The following CNTNAP4 variants were observed in gnomAD, a reference collection of about 807,000 sequenced individuals.
CNTNAP4 encodes contactin-associated protein-like 4.
CNTNAP4 carries 98 observed loss-of-function variants against 148.4 expected under a neutral mutation model. The observed-to-expected ratio is 0.66, with a 90% confidence interval of 0.56 to 0.78. The LOEUF (loss-of-function observed/expected upper bound fraction) is 0.78, where lower values mean the gene tolerates loss of function less well. CNTNAP4 is among the 30% of genes least tolerant of loss of function. The pLI is 0.00. For missense variants in CNTNAP4, 1,935 were observed against 1,565.6 expected (o/e 1.24, Z -3.98); for synonymous variants, 730 against 565.1 (o/e 1.29, Z -4.14).
chr16:76,367,947 A>AT (rs1194575233), intron 3 of CNTNAP4, among the ~76,000 whole-genome samples: 1 of 152,182 alleles, frequency 6.6e-6, no homozygotes, highest in African/African-American at 2.4e-5. Flanking sequence ...TGATAGCTAA[A>AT]TTTCACTGTG....
intron 4 of CNTNAP4, among the ~76,000 whole-genome samples, chr16:76,435,411 C>G (rs1320348120): frequency 2.0e-5 from 3 of 152,152 alleles, no homozygotes; most frequent in Non-Finnish European, 4.4e-5. Flanking sequence ...AGTAGCTACG[C>G]CTGCCTTGCC....
chr16:76,365,288 T>C (rs1032183054), intron 3 of CNTNAP4, among the ~76,000 whole-genome samples: 5 of 152,340 alleles, frequency 3.3e-5, no homozygotes, highest in South Asian at 4.1e-4. Flanking sequence ...CCTTGTAGTA[T>C]AGTTTGAAGT....
chr16:76,458,521 T>TGA (rs1332322099), intron 8 of CNTNAP4, among the ~76,000 whole-genome samples: 1 of 152,028 alleles, frequency 6.6e-6, no homozygotes, highest in Non-Finnish European at 1.5e-5. Context: ...GGGGGTGATT[T>TGA]GAGACAGTGA....
chr16:76,350,817 G>A (rs1046305459), intron 2 of CNTNAP4, among the ~76,000 whole-genome samples: 1 of 152,166 alleles, frequency 6.6e-6, no homozygotes, highest in Admixed American at 6.5e-5. Context: ...ATTTTTAAAT[G>A]TGAGTTTTCA....
intron 1 of CNTNAP4, among the ~76,000 whole-genome samples, chr16:76,282,836 G>A (rs191693860): frequency 4.4e-4 from 67 of 151,620 alleles, no homozygotes; most frequent in African/African-American, 7.0e-4. Flanking sequence ...TTAAAAATAT[G>A]ATGTAATATC....
chr16:76,292,425 TC>T (rs113846851), intron 1 of CNTNAP4, among the ~76,000 whole-genome samples: 3,949 of 152,256 alleles, frequency 0.026, 176 homozygotes, highest in African/African-American at 0.091. Context: ...CTTTCACTCA[TC>T]AATTGGTCTT....
chr16:76,333,913 G>A (rs1232601876), intron 2 of CNTNAP4, among the ~76,000 whole-genome samples: 1 of 148,488 alleles, frequency 6.7e-6, no homozygotes, highest in Non-Finnish European at 1.5e-5. Flanking sequence ...ATCCTCTACA[G>A]CACCTGTTGT....
chr16:76,448,246 C>A (rs2080323150), intron 5 of CNTNAP4, 31 bp downstream of exon 5: 5 of 1,493,228 alleles, frequency 3.3e-6, no homozygotes, highest in Non-Finnish European at 4.6e-6. Context: ...GCTCAAAAAT[C>A]TGATTATTTA....
intron 1 of CNTNAP4, chr16:76,309,740 T>A: frequency 3.1e-6 from 2 of 640,566 alleles, no homozygotes; most frequent in Non-Finnish European, 5.7e-6. Context: ...GGTAATTGAA[T>A]TGGGGTTTGG....
At chr16:76,504,553 T>C (rs1405750125) in intron 15 of CNTNAP4, among the ~76,000 whole-genome samples, 2 of 152,168 alleles carry the variant, frequency 1.3e-5, no homozygotes, top group Admixed American at 6.5e-5. Context: ...TGGCCTTGGG[T>C]TGGGCATAGA....
chr16:76,353,272 A>T (rs553227102), intron 2 of CNTNAP4, among the ~76,000 whole-genome samples: 1 of 152,220 alleles, frequency 6.6e-6, no homozygotes, highest in South Asian at 2.1e-4. Context: ...GTATAGTAAG[A>T]AACAGGGATT....
chr16:76,451,599 A>ATGTGTGTGTGTGTGTGTGTGTGTGTGTG (rs71134761), intron 7 of CNTNAP4, among the ~76,000 whole-genome samples: 2 of 141,258 alleles, frequency 1.4e-5, no homozygotes, highest in African/African-American at 5.2e-5. Flanking sequence ...TTTTAGATAG[A>ATGTGTGTGTGTGTGTGTGTGTGTGTGTG]TGTGTGTGTG....
intron 15 of CNTNAP4, among the ~76,000 whole-genome samples, chr16:76,520,128 A>C (rs1303847960): frequency 6.6e-6 from 1 of 152,118 alleles, no homozygotes; most frequent in Non-Finnish European, 1.5e-5. Context: ...AAAACTAAAG[A>C]TGTATATTCG....
intron 2 of CNTNAP4, among the ~76,000 whole-genome samples, chr16:76,350,341 G>GT (rs1194071930): frequency 2.0e-5 from 3 of 151,590 alleles, no homozygotes; most frequent in African/African-American, 4.8e-5. Context: ...AAATACTTTT[G>GT]TTTTTTTTCT....
chr16:76,551,296 G>T (rs2144386855), intron 21 of CNTNAP4, among the ~76,000 whole-genome samples: 1 of 151,924 alleles, frequency 6.6e-6, no homozygotes, highest in Admixed American at 6.6e-5. Context: ...TACTCGGGAG[G>T]CTGAGGCAGG....
intron 2 of CNTNAP4, among the ~76,000 whole-genome samples, chr16:76,317,278 CAA>C (rs11355823): frequency 0.28 from 33,295 of 117,712 alleles, 4,787 homozygotes; most frequent in Non-Finnish European, 0.37. Flanking sequence ...AAAAAAAAAC[CAA>C]AAAAAAAAAA....
chr16:76,491,339 TGC>T (rs2082213443), intron 13 of CNTNAP4, among the ~76,000 whole-genome samples: 1 of 152,188 alleles, frequency 6.6e-6, no homozygotes, highest in Non-Finnish European at 1.5e-5. Flanking sequence ...ATTGGCTAGG[TGC>T]ATCTAGAACA....
intron 2 of CNTNAP4, among the ~76,000 whole-genome samples, chr16:76,350,168 A>G (rs569049190): frequency 6.6e-6 from 1 of 152,246 alleles, no homozygotes. Context: ...ATATACTACT[A>G]TGAGTCAAAG....
chr16:76,291,789 CT>C (rs1959127540), intron 1 of CNTNAP4, among the ~76,000 whole-genome samples: 1 of 152,176 alleles, frequency 6.6e-6, no homozygotes, highest in Admixed American at 6.5e-5. Context: ...AATTTATCAT[CT>C]AATTTTAAAT....
Sources: allele counts gnomAD v4.1 joint callset (sites outside exome capture counted in the v4.1 genomes callset), GRCh38; gene constraint gnomAD v4.1.1; transcripts MANE v1.5; gene names NCBI Gene and HGNC (gene_info 2026-07-23, HGNC 2026-07-21).